Variants in ZNF33B observed in about 807,000 individuals in gnomAD.
The protein encoded by ZNF33B is zinc finger protein 33B.
In ZNF33B, 29 loss-of-function variants were observed where a neutral mutation model predicts 45.8. The ratio of observed to expected loss-of-function variants is 0.63; its 90% confidence interval spans 0.47 to 0.86. The LOEUF (loss-of-function observed/expected upper bound fraction) is 0.86, where lower values mean the gene tolerates loss of function less well. ZNF33B is among the 40% of genes least tolerant of loss of function. The probability of loss-of-function intolerance (pLI) is 0.00; values close to 1 mark genes in which losing one functional copy is unlikely to be tolerated. For missense variants in ZNF33B, 831 were observed against 909.9 expected, an observed-to-expected ratio of 0.91 and a Z score of 1.12; for synonymous variants, 305 against 307.8, an observed-to-expected ratio of 0.99 and a Z score of 0.10.
chr10:42,606,548 A>C (rs1345589871), intron 4 of ZNF33B, among the ~76,000 whole-genome samples: 2 of 152,174 alleles, frequency 1.3e-5, no homozygotes, highest in African/African-American at 4.8e-5. Flanking sequence ...CAAACAAATG[A>C]ATTAAAGCAG....
At position 42,594,096 on chromosome 10, in the gene ZNF33B, CA is replaced by C; in HGVS notation, c.853del (p.Cys285ValfsTer2). On this transcript the variant is annotated frameshift_variant, in exon 5 of 5. Transcript: ENST00000359467. LOFTEE classifies it low-confidence loss of function (END_TRUNC). ...YEFSDCEKFL[C>X]VKSTLSKHDG... Reference sequence around the variant, plus strand: ...ATGTTTAGAAAGGGTGGACTTCACACATAAGAACTTCTCACAATCACTAAAT... The same window carrying C: ...ATGTTTAGAAAGGGTGGACTTCACACTAAGAACTTCTCACAATCACTAAAT... 1 of 1,614,060 alleles carries C rather than the reference CA, an allele frequency of 6.2e-7. No homozygotes were observed. Among genetic ancestry groups the C allele is most frequent in the Non-Finnish European group, 8.5e-7 (1 of 1,179,948 alleles).
At chr10:42,578,246 T>G (rs1209466879) in intron 1 of ZNF33B, among the ~76,000 whole-genome samples, 1 of 152,178 alleles carries the variant, frequency 6.6e-6, no homozygotes, top group Non-Finnish European at 1.5e-5. Context: ...AGGCTTTGGT[T>G]GGCCAAAAAT....
At chr10:42,596,566 T>C (rs1425510567) in intron 4 of ZNF33B, among the ~76,000 whole-genome samples, 2 of 152,176 alleles carry the variant, frequency 1.3e-5, no homozygotes, top group Admixed American at 1.3e-4. Context: ...ATGTCAGCAA[T>C]ATTGAGCTTT....
intron 4 of ZNF33B, among the ~76,000 whole-genome samples, chr10:42,616,064 G>A (rs1419523202): frequency 2.0e-5 from 3 of 151,794 alleles, no homozygotes; most frequent in Non-Finnish European, 4.4e-5. Context: ...AAATCAGCTG[G>A]GTGTGGGGGC....
chr10:42,604,094 C>G (rs158373), intron 4 of ZNF33B, among the ~76,000 whole-genome samples: 47,517 of 152,134 alleles, frequency 0.31, 8,393 homozygotes, highest in East Asian at 0.46. Flanking sequence ...CAGGCAACAG[C>G]AACTGCCCTT....
At chr10:42,604,275 T>C (rs1165749789) in intron 4 of ZNF33B, among the ~76,000 whole-genome samples, 1 of 151,882 alleles carries the variant, frequency 6.6e-6, no homozygotes, top group Non-Finnish European at 1.5e-5. Context: ...TAAAACCCTG[T>C]CTCTACTAAA....
intron 4 of ZNF33B, among the ~76,000 whole-genome samples, chr10:42,603,041 GC>G (rs1837691476): frequency 6.6e-6 from 1 of 152,146 alleles, no homozygotes; most frequent in South Asian, 2.1e-4. Context: ...AAAATATCCA[GC>G]CCAGTCATGG....
rs552380224 is a variant in ZNF33B, at chr10:42,578,108, G to A, written c.74-3430C>T. Among the ~76,000 whole-genome samples the A allele has an allele frequency of 9.9e-5, 15 of 152,212 alleles. No homozygotes were observed. The East Asian group carries it at 1.4e-3, about 14-fold the overall frequency. ...GAAACAGACACTGATCCTGGCCTCC[G>A]CTCAGGACTCATTGGGCTAGCAGCT... is the stretch of plus-strand genomic sequence containing the variant. On this transcript the variant is annotated intron_variant, in intron 1 of 1. Coordinates refer to the ZNF33B transcript ENST00000462075.
rs904422567 is a variant in ZNF33B, at chr10:42,630,160, T to C, written c.250+1769A>G. On this transcript the variant is annotated intron_variant, in intron 4 of 4. Coordinates refer to ENST00000359467, the MANE Select transcript of ZNF33B (RefSeq NM_006955.3). ...AGAACTTTTAGTCAATTTTTAAAGG[T>C]AGGTTTGCTAGCAACATTTTCTCTT... 6.4e-4 allele frequency among the ~76,000 whole-genome samples: 97 copies of C among 152,206 alleles called. 1 individual carries two copies. The highest frequency in any genetic ancestry group is 6.8e-4 in the Non-Finnish European group (46 of 68,030).
At position 42,593,204 on chromosome 10, in the gene ZNF33B, T is replaced by C. The variant is rs775472420; in HGVS notation, c.1746A>G (p.Glu582=). The change falls in exon 5 of 5, where the codon GAA becomes GAG. Residue 582 remains glutamate (E), a synonymous_variant. Coordinates refer to ENST00000359467, the MANE Select transcript of ZNF33B (RefSeq NM_006955.3). The part of the protein sequence containing the change: ...YRTHTGEKPY[E]CHECGKIFYN... The stretch of plus-strand genomic sequence containing the variant: ...AAAAGATTTTTCCACATTCATGACA[T>C]TCATAGGGTTTCTCCCCCGTGTGTG... The C allele has an allele frequency of 1.9e-6, 3 of 1,613,926 alleles. No individual in the cohort carries two copies. Among genetic ancestry groups the C allele is most frequent in the Non-Finnish European group, 2.5e-6 (3 of 1,179,980 alleles).
Position 42,618,471 on chromosome 10 carries a change from C to G in ZNF33B, c.250+13458G>C, listed in dbSNP as rs192584135. Among the ~76,000 whole-genome samples, 4 of 152,292 alleles carry G rather than the reference C, an allele frequency of 2.6e-5. No homozygotes were observed. The East Asian group carries it at 7.7e-4, about 29-fold the overall frequency. On this transcript the variant is annotated intron_variant, in intron 4 of 4. Transcript: ENST00000359467. ...AACAGTGTAACTAGTGGTTCACATG[C>G]TAAGTTTGTTTTTAGTTTTAAATGG...
At chr10:42,601,799 C>T (rs1426338038) in intron 4 of ZNF33B, among the ~76,000 whole-genome samples, 1 of 150,834 alleles carries the variant, frequency 6.6e-6, no homozygotes, top group Non-Finnish European at 1.5e-5. Flanking sequence ...TTCAAATATG[C>T]TTTTTCTCTG....
chr10:42,582,175 C>T (rs1172611969), intron 1 of ZNF33B: 1 of 152,214 alleles, frequency 6.6e-6, no homozygotes, highest in East Asian at 1.9e-4. Context: ...GAGGCAGCCA[C>T]AGGGTTTGAT....
intron 4 of ZNF33B, among the ~76,000 whole-genome samples, chr10:42,623,761 C>G (rs1838688842): frequency 6.6e-6 from 1 of 152,190 alleles, no homozygotes; most frequent in Non-Finnish European, 1.5e-5. Context: ...TATGGCTATA[C>G]AACATTGTGA....
At chr10:42,610,258 A>T (rs1006924867) in intron 4 of ZNF33B, among the ~76,000 whole-genome samples, 1 of 152,230 alleles carries the variant, frequency 6.6e-6, no homozygotes. Flanking sequence ...AATTCCGGCC[A>T]GGCATAATGG....
chr10:42,597,404 A>C (rs1419741565), intron 4 of ZNF33B, among the ~76,000 whole-genome samples: 2 of 151,964 alleles, frequency 1.3e-5, no homozygotes, highest in East Asian at 3.9e-4. Context: ...CACAAAAAAC[A>C]GTTTTGTTGT....
intron 4 of ZNF33B, among the ~76,000 whole-genome samples, chr10:42,615,369 T>C (rs1838269845): frequency 6.6e-6 from 1 of 152,238 alleles, no homozygotes; most frequent in African/African-American, 2.4e-5. Flanking sequence ...TATACCTATA[T>C]ACCATGTTAT....
intron 4 of ZNF33B, among the ~76,000 whole-genome samples, chr10:42,609,310 T>G (rs1340489393): frequency 6.6e-6 from 1 of 152,084 alleles, no homozygotes; most frequent in African/African-American, 2.4e-5. Context: ...TCCCAGCTAC[T>G]TGGGAGGCTG....
chr10:42,587,801 C>A (rs997592777), downstream of ZNF33B, among the ~76,000 whole-genome samples: 5 of 152,146 alleles, frequency 3.3e-5, no homozygotes, highest in African/African-American at 1.2e-4. Flanking sequence ...AGAACTGGTA[C>A]CTTTTTCTCT....
Sources: allele counts gnomAD v4.1 joint callset (sites outside exome capture counted in the v4.1 genomes callset), GRCh38; gene constraint gnomAD v4.1.1; transcripts MANE v1.5; gene names NCBI Gene and HGNC (gene_info 2026-07-23, HGNC 2026-07-21).